TULP4: variants seen among roughly 807,000 people sequenced by gnomAD.
The protein encoded by TULP4 is tubby-related protein 4.
In TULP4, 16 loss-of-function variants were observed where a neutral mutation model predicts 129.0. That is an observed-to-expected ratio of 0.12 (90% CI 0.08 to 0.19). The LOEUF is 0.19. Among genes scored for constraint, TULP4 ranks in the 10% least tolerant of loss-of-function variants. TULP4 has a pLI of 1.00. For synonymous variants in TULP4, 998 were observed against 854.0 expected, an observed-to-expected ratio of 1.17 and a Z score of -2.94; for missense variants, 1,842 against 2,059.1, an observed-to-expected ratio of 0.89 and a Z score of 2.04.
chr6:158,494,678 C>A, intron 10 of TULP4, 75 bp from the exon 11 acceptor site: 2 of 1,341,630 alleles, frequency 1.5e-6, no homozygotes, highest in South Asian at 1.3e-5. Flanking sequence ...TAAATATTAA[C>A]ATTCTTACTG....
At chr6:158,309,191 G>A (rs368616439), upstream of TULP4, among the ~76,000 whole-genome samples, 1 of 50,122 alleles carries the variant, frequency 2.0e-5, no homozygotes, top group African/African-American at 5.7e-5. Context: ...GTTGCCAGGC[G>A]GAGGGTCTCC....
At chr6:158,274,171 T>C (rs1045005424) in intron 1 of TULP4, among the ~76,000 whole-genome samples, 3 of 151,960 alleles carry the variant, frequency 2.0e-5, no homozygotes, top group Admixed American at 1.3e-4. Flanking sequence ...GGCAGGAGAA[T>C]TGCTTGAACC....
At chr6:158,377,538 A>T (rs1039319460) in intron 1 of TULP4, among the ~76,000 whole-genome samples, 1 of 152,242 alleles carries the variant, frequency 6.6e-6, no homozygotes, top group Non-Finnish European at 1.5e-5. Context: ...CAGACATTTC[A>T]AATCTTCACT....
At chr6:158,476,280 A>G (rs1779818592) in intron 6 of TULP4, among the ~76,000 whole-genome samples, 1 of 152,102 alleles carries the variant, frequency 6.6e-6, no homozygotes, top group South Asian at 2.1e-4. Context: ...GCTGCACCCT[A>G]ATTAATTTAA....
intron 1 of TULP4, among the ~76,000 whole-genome samples, chr6:158,235,977 C>T (rs1018493875): frequency 2.6e-5 from 4 of 152,180 alleles, no homozygotes; most frequent in Admixed American, 6.5e-5. Context: ...CTTGCTGGGT[C>T]CTATCACTTC....
rs1354121659 is a variant in TULP4, at chr6:158,413,315, AAATC to A, written c.381+129_381+132del. The stretch of plus-strand genomic sequence containing the variant: ...ACGTGCTCCAGAGCTGGGGGAAGAG[AAATC>A]AATCAAATTAGAATCCTACTTTTCA... On this transcript the variant is annotated intron_variant, in intron 2 of 13. Transcript: ENST00000367097. This position sits in a 1 kb window ranked among gnomAD's most constrained non-coding sequence, Gnocchi z 4.9. 1 of 1,141,984 alleles carries A rather than the reference AAATC, an allele frequency of 8.8e-7. No individual in the cohort carries two copies. The allele number at this position is 1,141,984 out of a possible 1,614,324, so 70.7% of individuals were successfully genotyped here.
intron 1 of TULP4, among the ~76,000 whole-genome samples, chr6:158,263,671 G>T (rs771812926): frequency 6.6e-6 from 1 of 152,140 alleles, no homozygotes; most frequent in Non-Finnish European, 1.5e-5. Context: ...TGGGAAGATC[G>T]CTTGAGCCTG....
intron 1 of TULP4, among the ~76,000 whole-genome samples, chr6:158,411,145 A>G (rs1039988323): frequency 2.6e-5 from 4 of 151,364 alleles, no homozygotes; most frequent in African/African-American, 7.3e-5. Flanking sequence ...AAAAAAAAAA[A>G]GTAAACTACT....
At chr6:158,414,380 C>T (rs907244289) in intron 2 of TULP4, among the ~76,000 whole-genome samples, 28 of 93,492 alleles carry the variant, frequency 3.0e-4, no homozygotes, top group African/African-American at 5.6e-4. Flanking sequence ...CCGGAAATCC[C>T]ACCCCATGAC....
intron 1 of TULP4, among the ~76,000 whole-genome samples, chr6:158,350,660 G>A (rs1397289776): frequency 6.6e-6 from 1 of 152,228 alleles, no homozygotes; most frequent in Admixed American, 6.5e-5. Context: ...GAGGCAGGGA[G>A]GTTGCAGCGA....
chr6:158,376,692 C>T (rs1309160816), intron 1 of TULP4, among the ~76,000 whole-genome samples: 1 of 152,220 alleles, frequency 6.6e-6, no homozygotes, highest in Non-Finnish European at 1.5e-5. Flanking sequence ...GGAAGGGCTG[C>T]CTGCATGCTT....
chr6:158,361,490 C>A (rs906508856), intron 1 of TULP4, among the ~76,000 whole-genome samples: 1 of 152,184 alleles, frequency 6.6e-6, no homozygotes. Context: ...ACCAATGTGC[C>A]AGATTGCCTG....
At chr6:158,381,269 A>G (rs554550455) in intron 1 of TULP4, among the ~76,000 whole-genome samples, 3 of 151,840 alleles carry the variant, frequency 2.0e-5, no homozygotes, top group African/African-American at 7.3e-5. Context: ...ATATCATCTG[A>G]GCGTCTGTTC....
chr6:158,267,670 G>A (rs1283235225), intron 1 of TULP4, among the ~76,000 whole-genome samples: 2 of 152,186 alleles, frequency 1.3e-5, no homozygotes, highest in Admixed American at 6.5e-5. Flanking sequence ...AGCAAATTGT[G>A]TGGCAATCCA....
At chr6:158,334,975 A>G (rs773769154) in intron 1 of TULP4, among the ~76,000 whole-genome samples, 19 of 152,276 alleles carry the variant, frequency 1.2e-4, no homozygotes, top group Non-Finnish European at 2.4e-4. Flanking sequence ...CACAACTGTG[A>G]AAAAATAAAT....
intron 2 of TULP4, among the ~76,000 whole-genome samples, chr6:158,417,242 C>A (rs375537827): frequency 1.9e-4 from 29 of 152,292 alleles, no homozygotes; most frequent in East Asian, 7.7e-4. Context: ...TCCATAGCAG[C>A]TGTGCAGTCA....
At chr6:158,243,211 C>T (rs988404974) in intron 1 of TULP4, among the ~76,000 whole-genome samples, 1 of 152,180 alleles carries the variant, frequency 6.6e-6, no homozygotes, top group African/African-American at 2.4e-5. Flanking sequence ...TCACGTCCCT[C>T]CACTTGGATT....
At chr6:158,283,643 G>A (rs1481613047) in intron 1 of TULP4, among the ~76,000 whole-genome samples, 1 of 152,186 alleles carries the variant, frequency 6.6e-6, no homozygotes, top group Non-Finnish European at 1.5e-5. Context: ...TTTATTGGTG[G>A]AAGTACCAGT....
chr6:158,272,547 G>A (rs1264674753), intron 1 of TULP4, among the ~76,000 whole-genome samples: 1 of 152,186 alleles, frequency 6.6e-6, no homozygotes, highest in African/African-American at 2.4e-5. Flanking sequence ...CTATCAGGAA[G>A]TTCCTTTAGA....
Sources: gnomAD v4.1 joint callset for allele counts (sites outside exome capture counted in the v4.1 genomes callset) on GRCh38, gnomAD v4.1.1 for gene constraint, Gnocchi (gnomAD v3.1) non-coding constraint, MANE v1.5 for transcripts, NCBI Gene and HGNC (gene_info 2026-07-23, HGNC 2026-07-21) for gene names.